PLXNC1: variants seen among roughly 807,000 people sequenced by gnomAD.
PLXNC1 encodes the protein plexin C1.
A neutral mutation model predicts 178.2 loss-of-function variants in PLXNC1; 75 were observed. That is an observed-to-expected ratio of 0.42 (90% CI 0.35 to 0.51). PLXNC1 has a LOEUF of 0.51. Ranked by LOEUF, PLXNC1 falls within the 20% of genes least tolerant of loss-of-function variation. The pLI is 0.02. For synonymous variants in PLXNC1, 790 were observed against 779.9 expected, an observed-to-expected ratio of 1.01 and a Z score of -0.22; for missense variants, 1,503 against 1,984.4, an observed-to-expected ratio of 0.76 and a Z score of 4.61.
rs146396067 is a variant in PLXNC1 at position 94,248,130 on chromosome 12, G to A, written c.2592+24G>A. On this transcript the variant is annotated intron_variant, in intron 13 of 30. Transcript: ENST00000258526. ...AAGTATGTTTCTTTTCTTTCTGGGT[G>A]GGATGTCACCCCGACCCCTTGACTG... is the stretch of plus-strand genomic sequence containing the variant. The A allele has an allele frequency of 5.4e-5, 87 of 1,609,626 alleles. No individual in the cohort carries two copies. In the East Asian group the frequency reaches 1.9e-3, roughly 35 times the overall value.
chr12:94,175,135 GT>G (rs1337746134), intron 2 of PLXNC1, among the ~76,000 whole-genome samples: 4 of 152,170 alleles, frequency 2.6e-5, no homozygotes, highest in African/African-American at 9.7e-5. Flanking sequence ...GCATGCACGT[GT>G]GTGTATATGT....
At chr12:94,237,309 T>C (rs890384085) in intron 9 of PLXNC1, among the ~76,000 whole-genome samples, 4 of 152,344 alleles carry the variant, frequency 2.6e-5, no homozygotes, top group African/African-American at 7.2e-5. Flanking sequence ...TCTCTTTCTT[T>C]TCCTTGATTT....
At chr12:94,174,136 C>T (rs1372846728) in intron 2 of PLXNC1, among the ~76,000 whole-genome samples, 2 of 152,144 alleles carry the variant, frequency 1.3e-5, no homozygotes, top group Non-Finnish European at 2.9e-5. Context: ...TGGGCTCAGA[C>T]TGGTTACCTA....
At chr12:94,250,830 G>A (rs905539109) in intron 14 of PLXNC1, among the ~76,000 whole-genome samples, 2 of 151,818 alleles carry the variant, frequency 1.3e-5, no homozygotes, top group Non-Finnish European at 2.9e-5. Flanking sequence ...ACCAGACTGG[G>A]CAACATAGTG....
At chr12:94,219,918 C>G (rs1296110331) in intron 5 of PLXNC1, 98 bp from the exon 6 acceptor site, 1 of 1,059,622 alleles carries the variant, frequency 9.4e-7, no homozygotes, top group Non-Finnish European at 1.4e-6. Flanking sequence ...GAAATTCTCC[C>G]TCCTGTGGCA....
chr12:94,271,297 G>A (rs779047880), intron 21 of PLXNC1, among the ~76,000 whole-genome samples: 2 of 152,178 alleles, frequency 1.3e-5, no homozygotes, highest in African/African-American at 4.8e-5. Context: ...AGGCAGCAAC[G>A]TTCCTGCTTT....
At chr12:94,249,662 G>C (rs1964622674) in intron 14 of PLXNC1, among the ~76,000 whole-genome samples, 1 of 152,052 alleles carries the variant, frequency 6.6e-6, no homozygotes, top group Admixed American at 6.5e-5. Context: ...AACACAGTAA[G>C]ACCCTGTCTC....
At chr12:94,173,873 G>A (rs764209285) in intron 2 of PLXNC1, among the ~76,000 whole-genome samples, 35 of 152,162 alleles carry the variant, frequency 2.3e-4, no homozygotes, top group African/African-American at 8.0e-4. Context: ...TGCAGAGCCC[G>A]CTCCTCTCTG....
At chr12:94,256,844 C>CAAAAAA (rs35718233) in intron 17 of PLXNC1, among the ~76,000 whole-genome samples, 1 of 110,994 alleles carries the variant, frequency 9.0e-6, no homozygotes, top group Non-Finnish European at 1.9e-5. Context: ...TGAGTGTTTC[C>CAAAAAA]AAAAAAAAAA....
At chr12:94,182,859 G>GTATC (rs59933010) in intron 3 of PLXNC1, among the ~76,000 whole-genome samples, 22,926 of 143,468 alleles carry the variant, frequency 0.16, 1,786 homozygotes, top group South Asian at 0.25. Flanking sequence ...AAGAATATCT[G>GTATC]TATCTATCTA....
chr12:94,220,218 C>A, intron 6 of PLXNC1, 55 bp downstream of exon 6: 1 of 1,557,758 alleles, frequency 6.4e-7, no homozygotes, highest in Admixed American at 1.7e-5. Flanking sequence ...ACAAGGGAAC[C>A]TCCTGAGTTT....
At chr12:94,279,218 T>C (rs989490914) in intron 21 of PLXNC1, among the ~76,000 whole-genome samples, 2 of 152,232 alleles carry the variant, frequency 1.3e-5, no homozygotes, top group Non-Finnish European at 2.9e-5. Flanking sequence ...TATGTGTATA[T>C]GTATATTTTA....
At chr12:94,219,815 A>ATTTATTTG (rs753718037) in intron 5 of PLXNC1, among the ~76,000 whole-genome samples, 2,417 of 63,172 alleles carry the variant, frequency 0.038, 38 homozygotes, top group South Asian at 0.11. Flanking sequence ...TTATTTATTT[A>ATTTATTTG]TTTATTTATT....
chr12:94,179,525 C>G (rs966462471), intron 2 of PLXNC1, among the ~76,000 whole-genome samples: 3 of 152,006 alleles, frequency 2.0e-5, no homozygotes, highest in Non-Finnish European at 4.4e-5. Flanking sequence ...CGGATCACCT[C>G]AGGTCAGGAG....
At chr12:94,212,893 G>A (rs1420071722) in intron 5 of PLXNC1, among the ~76,000 whole-genome samples, 1 of 151,050 alleles carries the variant, frequency 6.6e-6, no homozygotes, top group East Asian at 1.9e-4. Context: ...CTAATTTTTT[G>A]TATTTTTAGT....
At chr12:94,243,401 G>A (rs7978425) in intron 11 of PLXNC1, among the ~76,000 whole-genome samples, 10,478 of 152,230 alleles carry the variant, frequency 0.069, 553 homozygotes, top group African/African-American at 0.14. Context: ...TTAGAGAGAT[G>A]GAATGCAGCT....
At chr12:94,222,277 T>G (rs1963817591) in intron 6 of PLXNC1, among the ~76,000 whole-genome samples, 1 of 152,236 alleles carries the variant, frequency 6.6e-6, no homozygotes, top group South Asian at 2.1e-4. Context: ...TGCCGTTTTC[T>G]GAATATCTTA....
Position 94,234,564 on chromosome 12 carries a change from C to T in PLXNC1, c.1981-3100C>T, listed in dbSNP as rs149470967. Among the ~76,000 whole-genome samples, 949 of 152,274 alleles carry T rather than the reference C, an allele frequency of 6.2e-3. 23 individuals carry two copies. Among genetic ancestry groups the T allele is most frequent in the Admixed American group, 0.044 (668 of 15,296 alleles). On this transcript the variant is annotated intron_variant, in intron 9 of 30. Coordinates refer to ENST00000258526, the MANE Select transcript of PLXNC1 (RefSeq NM_005761.3). ...CCTGAAGTCTTTAAAACGTAACCTACAGGAAGCACACTATTCTGAGGTTAA... is the reference window on the plus strand; with the variant it reads ...CCTGAAGTCTTTAAAACGTAACCTATAGGAAGCACACTATTCTGAGGTTAA...
chr12:94,205,340 A>G (rs920897539), intron 4 of PLXNC1, among the ~76,000 whole-genome samples: 4 of 152,240 alleles, frequency 2.6e-5, no homozygotes, highest in African/African-American at 7.2e-5. Flanking sequence ...CCACACTACC[A>G]GCTGAGCAGA....
Sources: gnomAD v4.1 joint callset for allele counts (sites outside exome capture counted in the v4.1 genomes callset) on GRCh38, gnomAD v4.1.1 for gene constraint, MANE v1.5 for transcripts, NCBI Gene and HGNC (gene_info 2026-07-23, HGNC 2026-07-21) for gene names.